Variants in RBMS1 observed in about 807,000 individuals in gnomAD.
RBMS1 encodes RNA-binding motif, single-stranded-interacting protein 1.
A neutral mutation model predicts 62.3 loss-of-function variants in RBMS1; 17 were observed. The observed-to-expected ratio is 0.27, with a 90% CI of 0.19 to 0.41. The LOEUF (loss-of-function observed/expected upper bound fraction) is 0.41. Among genes scored for constraint, RBMS1 ranks in the 10% least tolerant of loss-of-function variants. The pLI is 1.00. For missense variants in RBMS1, 334 were observed against 504.5 expected, an observed-to-expected ratio of 0.66 and a Z score of 3.24; for synonymous variants, 172 against 170.0, an observed-to-expected ratio of 1.01 and a Z score of -0.09.
At chr2:160,289,714 G>C (rs1234476227) in intron 6 of RBMS1, among the ~76,000 whole-genome samples, 2 of 152,030 alleles carry the variant, frequency 1.3e-5, no homozygotes, top group Non-Finnish European at 2.9e-5. Context: ...AGAGGTATTT[G>C]TTTTCAATAA....
intron 12 of RBMS1, among the ~76,000 whole-genome samples, chr2:160,276,455 C>T (rs1559302800): frequency 6.6e-6 from 1 of 152,144 alleles, no homozygotes; most frequent in Non-Finnish European, 1.5e-5. Context: ...TGATCCTTTC[C>T]TGGAATTGGA....
intron 5 of RBMS1, 99 bp from the exon 6 acceptor site, chr2:160,300,829 T>G: frequency 3.1e-6 from 4 of 1,272,692 alleles, no homozygotes; most frequent in Non-Finnish European, 4.1e-6. Flanking sequence ...TTTTTGGATA[T>G]AAATGAAACC....
chr2:160,361,527 A>C (rs953186823), intron 2 of RBMS1, among the ~76,000 whole-genome samples: 1 of 152,260 alleles, frequency 6.6e-6, no homozygotes, highest in Non-Finnish European at 1.5e-5. Flanking sequence ...CCATACAGCG[A>C]GTATTGCAAT....
chr2:160,342,011 C>T (rs1289935004), intron 2 of RBMS1, among the ~76,000 whole-genome samples: 1 of 152,132 alleles, frequency 6.6e-6, no homozygotes, highest in African/African-American at 2.4e-5. Flanking sequence ...TTGAGATGTC[C>T]TGAATTCTGA....
At chr2:160,420,701 A>G (rs1462215697) in intron 1 of RBMS1, among the ~76,000 whole-genome samples, 1 of 152,162 alleles carries the variant, frequency 6.6e-6, no homozygotes, top group South Asian at 2.1e-4. Flanking sequence ...TCACTTCTAC[A>G]TGATCCTGAG....
At chr2:160,304,183 G>C (rs1293831370) in intron 4 of RBMS1, among the ~76,000 whole-genome samples, 1 of 152,052 alleles carries the variant, frequency 6.6e-6, no homozygotes, top group African/African-American at 2.4e-5. Context: ...GAAGTCAAGA[G>C]GCTTGCAAAA....
chr2:160,427,338 T>A (rs1185590443), intron 1 of RBMS1, among the ~76,000 whole-genome samples: 1 of 152,122 alleles, frequency 6.6e-6, no homozygotes, highest in Admixed American at 6.5e-5. Context: ...TACCTACAAC[T>A]AATTTTATGA....
chr2:160,311,043 A>G (rs1022743506), intron 4 of RBMS1, among the ~76,000 whole-genome samples: 3 of 151,340 alleles, frequency 2.0e-5, no homozygotes, highest in Non-Finnish European at 4.4e-5. Context: ...AAAATACAAA[A>G]ATTATCCGGG....
intron 2 of RBMS1, among the ~76,000 whole-genome samples, chr2:160,357,498 T>G (rs1692866329): frequency 6.6e-6 from 1 of 152,146 alleles, no homozygotes; most frequent in Non-Finnish European, 1.5e-5. Flanking sequence ...AACTGAGATT[T>G]TCTGTCAAAA....
At chr2:160,282,273 CG>C in intron 9 of RBMS1, 1 of 1,367,852 alleles carries the variant, frequency 7.3e-7, no homozygotes, top group South Asian at 1.1e-5. Flanking sequence ...AGCAGAGCCC[CG>C]ATACTTGTTT....
In RBMS1 at chr2:160,493,634, C is replaced by A; in HGVS notation, c.-271G>T. On this transcript the variant is annotated 5_prime_UTR_variant, in exon 1 of 14. Coordinates refer to ENST00000348849, the MANE Select transcript of RBMS1 (RefSeq NM_016836.4). ...ACACTGCAGAGCGCAGAGGGCACCC[C>A]GGACAGGGCGCTCCCAAGGAGTTTC... is the stretch of plus-strand genomic sequence containing the variant. 1 of 532,538 alleles carries A rather than the reference C, an allele frequency of 1.9e-6. No homozygotes were observed. Among genetic ancestry groups the A allele is most frequent in the Non-Finnish European group, 3.4e-6 (1 of 295,226 alleles). The allele number at this position is 532,538 out of a possible 1,614,324, so 33.0% of individuals were successfully genotyped here. A position where few individuals can be genotyped will look rare whatever the true frequency, so the allele number is the denominator to read the frequency against.
chr2:160,473,196 C>G (rs915668987), intron 1 of RBMS1, among the ~76,000 whole-genome samples: 1 of 152,196 alleles, frequency 6.6e-6, no homozygotes, highest in Non-Finnish European at 1.5e-5. Context: ...TTTGGAAACT[C>G]AGCCTAATGT....
At chr2:160,351,919 A>C (rs1198736077) in intron 2 of RBMS1, among the ~76,000 whole-genome samples, 2 of 152,132 alleles carry the variant, frequency 1.3e-5, no homozygotes, top group African/African-American at 4.8e-5. Context: ...TTCCCCAAAA[A>C]GTTTGAGGCT....
intron 1 of RBMS1, among the ~76,000 whole-genome samples, chr2:160,471,301 G>A (rs1684901306): frequency 1.3e-5 from 2 of 152,138 alleles, no homozygotes; most frequent in Admixed American, 6.5e-5. Context: ...CTAGGAGGTT[G>A]TAATGATTGC....
chr2:160,459,081 A>AT (rs1316404190), intron 1 of RBMS1, among the ~76,000 whole-genome samples: 1 of 152,128 alleles, frequency 6.6e-6, no homozygotes, highest in Non-Finnish European at 1.5e-5. Flanking sequence ...CAGTCTAATC[A>AT]TTTTTTGTGA....
chr2:160,380,789 G>T (rs1207485729), intron 1 of RBMS1, among the ~76,000 whole-genome samples: 3 of 152,136 alleles, frequency 2.0e-5, no homozygotes, highest in Non-Finnish European at 4.4e-5. Flanking sequence ...CAGGAAGCTG[G>T]GGAAGTCCAC....
rs903580349 is a variant in RBMS1 at position 160,439,055 on chromosome 2, C to T, written c.75+54234G>A. On this transcript the variant is annotated intron_variant, in intron 1 of 13. Coordinates refer to ENST00000348849, the MANE Select transcript of RBMS1 (RefSeq NM_016836.4). Reference sequence around the variant, plus strand: ...CTCCCTCCTGGACGGGGCAGCTGGCCGAGCAGAGGGGCTCCTCACTTCCCA... The same window carrying T: ...CTCCCTCCTGGACGGGGCAGCTGGCTGAGCAGAGGGGCTCCTCACTTCCCA... Among the ~76,000 whole-genome samples, 13 of 150,428 alleles carry T rather than the reference C, an allele frequency of 8.6e-5. No individual in the cohort carries two copies. The East Asian group carries it at 2.4e-3, about 28-fold the overall frequency.
chr2:160,468,359 T>C (rs1217952991), intron 1 of RBMS1, among the ~76,000 whole-genome samples: 1 of 152,204 alleles, frequency 6.6e-6, no homozygotes, highest in Non-Finnish European at 1.5e-5. Context: ...CATGTTTCTA[T>C]CTGATTTAGT....
intron 1 of RBMS1, among the ~76,000 whole-genome samples, chr2:160,472,214 G>A (rs1291461675): frequency 1.3e-5 from 2 of 152,132 alleles, no homozygotes; most frequent in Non-Finnish European, 2.9e-5. Context: ...TGGTGTTGAT[G>A]TAAACTATTT....
Sources: gnomAD v4.1 joint callset for allele counts (sites outside exome capture counted in the v4.1 genomes callset) on GRCh38, gnomAD v4.1.1 for gene constraint, MANE v1.5 for transcripts, NCBI Gene and HGNC (gene_info 2026-07-23, HGNC 2026-07-21) for gene names.